Variants in PHF2 observed in about 807,000 individuals in gnomAD.
PHF2 encodes the protein PHD finger protein 2, also known as lysine-specific demethylase PHF2.
A neutral mutation model predicts 120.5 loss-of-function variants in PHF2; 27 were observed. The ratio of observed to expected loss-of-function variants is 0.22; its 90% CI spans 0.17 to 0.31. The LOEUF is 0.31. Ranked by LOEUF, PHF2 falls within the 10% of genes least tolerant of loss-of-function variation. The pLI, the probability that PHF2 is intolerant of heterozygous loss-of-function variation, is 1.00. For missense variants in PHF2, 1,024 were observed against 1,434.8 expected (o/e 0.71, Z 4.63); for synonymous variants, 568 against 592.5 (o/e 0.96, Z 0.60).
intron 17 of PHF2, among the ~76,000 whole-genome samples, chr9:93,669,238 T>A (rs1183823061): frequency 6.6e-6 from 1 of 152,210 alleles, no homozygotes; most frequent in Non-Finnish European, 1.5e-5. Flanking sequence ...CCCTCCAGTC[T>A]GTCTGGGCCT....
At chr9:93,654,157 C>T (rs1826417181) in intron 6 of PHF2, among the ~76,000 whole-genome samples, 1 of 152,222 alleles carries the variant, frequency 6.6e-6, no homozygotes, top group Non-Finnish European at 1.5e-5. Flanking sequence ...GCAGCCTGGG[C>T]ACCCACACCA....
chr9:93,579,536 GT>G (rs1367781354), intron 1 of PHF2, among the ~76,000 whole-genome samples: 1 of 152,152 alleles, frequency 6.6e-6, no homozygotes, highest in East Asian at 1.9e-4. Flanking sequence ...TCGTTTTTCT[GT>G]TCTTGGATCC....
At chr9:93,613,874 C>T (rs1825678995) in intron 1 of PHF2, among the ~76,000 whole-genome samples, 1 of 152,162 alleles carries the variant, frequency 6.6e-6, no homozygotes, top group South Asian at 2.1e-4. Flanking sequence ...ACACCTGGCC[C>T]GCATTGTCAG....
chr9:93,676,532 C>T (rs964717561), intron 20 of PHF2, 62 bp from the exon 21 acceptor site: 21 of 1,541,530 alleles, frequency 1.4e-5, no homozygotes, highest in Middle Eastern at 1.8e-4. Flanking sequence ...GCCGGGAGCT[C>T]CCTGCTCTGT....
intron 1 of PHF2, among the ~76,000 whole-genome samples, chr9:93,602,626 AT>A (rs549967071): frequency 1.3e-5 from 2 of 148,722 alleles, no homozygotes; most frequent in South Asian, 2.1e-4. Flanking sequence ...CCTGTTTTGA[AT>A]TTTTTTTTTC....
intron 17 of PHF2, among the ~76,000 whole-genome samples, chr9:93,668,813 G>A (rs1826729396): frequency 6.6e-6 from 1 of 152,256 alleles, no homozygotes; most frequent in Non-Finnish European, 1.5e-5. Flanking sequence ...TGCCTGCTAG[G>A]GGCCACTGAG....
At chr9:93,598,471 C>A (rs1395662645) in intron 1 of PHF2, among the ~76,000 whole-genome samples, 2 of 152,126 alleles carry the variant, frequency 1.3e-5, no homozygotes, top group African/African-American at 2.4e-5. Context: ...CCATAAGTGG[C>A]AGTTTTGAGA....
chr9:93,625,848 A>G (rs111672114), intron 1 of PHF2, among the ~76,000 whole-genome samples: 6,881 of 151,960 alleles, frequency 0.045, 225 homozygotes, highest in Non-Finnish European at 0.071. Flanking sequence ...TCTATGTTTA[A>G]TTTTCTGAGG....
At chr9:93,628,994 T>C (rs1339810601) in intron 1 of PHF2, among the ~76,000 whole-genome samples, 1 of 152,146 alleles carries the variant, frequency 6.6e-6, no homozygotes, top group Non-Finnish European at 1.5e-5. Flanking sequence ...CCTTCCAGGC[T>C]CAAACAATAC....
intron 18 of PHF2, 67 bp from the exon 19 acceptor site, chr9:93,674,860 C>A (rs1826879313): frequency 1.7e-6 from 2 of 1,153,696 alleles, no homozygotes; most frequent in East Asian, 4.7e-5. Context: ...CACCTGTACC[C>A]CCCCGCCCTC....
At position 93,679,495 on chromosome 9, in the gene PHF2, A is replaced by G. The variant is rs979499799; in HGVS notation, c.*1819A>G. On this transcript the variant is annotated 3_prime_UTR_variant, in exon 22 of 22. Coordinates refer to ENST00000359246, the MANE Select transcript of PHF2 (RefSeq NM_005392.4). ...TGGCTATTAAAGTGTTTTATTTCCC[A>G]ATTCATATTACTCTTGTATCGAGTC... 8 of 301,632 alleles carry G rather than the reference A, an allele frequency of 2.7e-5. No individual in the cohort carries two copies. Among genetic ancestry groups the G allele is most frequent in the Admixed American group, 4.9e-5 (1 of 20,300 alleles). 18.7% of individuals were successfully genotyped at this position (301,632 alleles called of 1,614,324 possible). A position where few individuals can be genotyped will look rare whatever the true frequency, so the allele number is the denominator to read the frequency against.
At chr9:93,653,452 G>A in intron 6 of PHF2, 87 bp downstream of exon 6, 4 of 1,416,134 alleles carry the variant, frequency 2.8e-6, no homozygotes, top group Non-Finnish European at 3.9e-6. Context: ...AGCCCTGATT[G>A]GCCAGGATGC....
intron 1 of PHF2, among the ~76,000 whole-genome samples, chr9:93,604,133 A>G (rs2254389): frequency 0.69 from 104,409 of 151,952 alleles, 36,324 homozygotes; most frequent in South Asian, 0.77. Flanking sequence ...AGATGGGGAC[A>G]CCCCTCTGAG....
At chr9:93,669,221 G>A (rs905305394) in intron 17 of PHF2, among the ~76,000 whole-genome samples, 1 of 152,172 alleles carries the variant, frequency 6.6e-6, no homozygotes, top group Non-Finnish European at 1.5e-5. Context: ...CTAAGTGCAG[G>A]CCCCCGCCCT....
At chr9:93,659,134 C>G (rs2117979783) in intron 10 of PHF2, among the ~76,000 whole-genome samples, 1 of 152,322 alleles carries the variant, frequency 6.6e-6, no homozygotes, top group South Asian at 2.1e-4. Context: ...AGTGCACTCC[C>G]AGGGCCATCC....
At chr9:93,675,399 C>G (rs1039274413) in intron 19 of PHF2, among the ~76,000 whole-genome samples, 13 of 152,208 alleles carry the variant, frequency 8.5e-5, no homozygotes, top group Non-Finnish European at 1.8e-4. Context: ...TGGGGTGAGG[C>G]CTTGTCCACC....
chr9:93,658,730 C>G (rs548974995), intron 10 of PHF2, among the ~76,000 whole-genome samples: 68 of 152,266 alleles, frequency 4.5e-4, no homozygotes, highest in African/African-American at 1.5e-3. Flanking sequence ...CTGGCCCTGG[C>G]ATCAGCTCAG....
Position 93,649,122 on chromosome 9 carries a change from A to T in PHF2, c.512A>T (p.Lys171Met). The T allele has an allele frequency of 1.3e-6, 2 of 1,551,240 alleles. No homozygotes were observed. Among genetic ancestry groups the T allele is most frequent in the Non-Finnish European group, 1.7e-6 (2 of 1,146,900 alleles). ...GATGTCACCAAGCAGAAGGACTGCAAGATGAAGCTGAAGGAGTTTGTGGAC... is the reference window on the plus strand; with the variant it reads ...GATGTCACCAAGCAGAAGGACTGCATGATGAAGCTGAAGGAGTTTGTGGAC... ...VTDVTKQKDC[K>M]MKLKEFVDYY... The change falls in exon 5 of 22, where the codon AAG becomes ATG. Residue 171 changes from lysine to methionine, a missense_variant. Physicochemically the swap from Lys to Met is moderately conservative, Grantham distance 95. Coordinates refer to ENST00000359246, the MANE Select transcript of PHF2 (RefSeq NM_005392.4).
intron 4 of PHF2, among the ~76,000 whole-genome samples, chr9:93,646,732 G>A (rs895297970): frequency 1.3e-5 from 2 of 152,194 alleles, no homozygotes; most frequent in African/African-American, 4.8e-5. Flanking sequence ...TGGGGCCACA[G>A]CTTTTCTCGG....
Sources: gnomAD v4.1 joint callset for allele counts (sites outside exome capture counted in the v4.1 genomes callset) on GRCh38, gnomAD v4.1.1 for gene constraint, MANE v1.5 for transcripts, NCBI Gene and HGNC (gene_info 2026-07-23, HGNC 2026-07-21) for gene names.